ARFIP1: variants seen among roughly 807,000 people sequenced by gnomAD.
ARFIP1 encodes ARF interacting protein 1.
A neutral mutation model predicts 42.5 loss-of-function variants in ARFIP1; 24 were observed. The ratio of observed to expected loss-of-function variants is 0.57; its 90% CI spans 0.41 to 0.80. The LOEUF (loss-of-function observed/expected upper bound fraction) is 0.80, where lower values mean the gene tolerates loss of function less well. ARFIP1 is among the 30% of genes least tolerant of loss of function. The probability of loss-of-function intolerance (pLI) is 0.00; values close to 1 mark genes in which losing one functional copy is unlikely to be tolerated. For missense variants in ARFIP1, 354 were observed against 434.0 expected (o/e 0.82, Z 1.64); for synonymous variants, 141 against 153.7 (o/e 0.92, Z 0.61).
intron 1 of ARFIP1, among the ~76,000 whole-genome samples, chr4:152,814,408 A>G (rs987539742): frequency 1.1e-4 from 16 of 152,080 alleles, no homozygotes; most frequent in African/African-American, 3.9e-4. Flanking sequence ...TCTGTCTTTC[A>G]TCACTTTAAA....
chr4:152,855,144 T>C (rs1733319459), intron 2 of ARFIP1, among the ~76,000 whole-genome samples: 1 of 152,134 alleles, frequency 6.6e-6, no homozygotes, highest in Non-Finnish European at 1.5e-5. Flanking sequence ...TGCATGCAAC[T>C]AGGTGCCAGC....
At chr4:152,818,422 C>A (rs4586909) in intron 1 of ARFIP1, among the ~76,000 whole-genome samples, 1 of 151,356 alleles carries the variant, frequency 6.6e-6, no homozygotes, top group Non-Finnish European at 1.5e-5. Flanking sequence ...GGGAAGGAGC[C>A]CCATCAGGAT....
intron 1 of ARFIP1, chr4:152,796,237 ATTC>A: frequency 3.1e-6 from 3 of 955,084 alleles, no homozygotes; most frequent in Non-Finnish European, 5.0e-6. Context: ...GGAATGACGG[ATTC>A]TTCTTTACAC....
chr4:152,856,661 C>G (rs750358384), intron 2 of ARFIP1, among the ~76,000 whole-genome samples: 9 of 152,102 alleles, frequency 5.9e-5, no homozygotes, highest in Non-Finnish European at 1.2e-4. Flanking sequence ...TTCCAAAGGA[C>G]AATCCTGTGC....
chr4:152,911,216 C>T lies in ARFIP1; in HGVS notation c.*997C>T, dbSNP rs1429016928. 1 of 152,612 alleles carries T rather than the reference C, an allele frequency of 6.6e-6. No individual in the cohort carries two copies. The highest frequency in any genetic ancestry group is 2.4e-5 in the African/African-American group (1 of 41,444). The allele number at this position is 152,612 out of a possible 1,614,324, so 9.5% of individuals were successfully genotyped here. A position where few individuals can be genotyped will look rare whatever the true frequency, so the allele number is the denominator to read the frequency against. ...TTGGATAATGTTTGATGTGTCTATT[C>T]CTTCCATGGAATGGAGCACTATGTA... On this transcript the variant is annotated 3_prime_UTR_variant, in exon 9 of 9. Transcript: ENST00000353617.
At chr4:152,882,664 T>A in intron 6 of ARFIP1, 59 bp from the exon 7 acceptor site, 1 of 1,524,686 alleles carries the variant, frequency 6.6e-7, no homozygotes, top group Non-Finnish European at 9.0e-7. Flanking sequence ...TGCTTGAGAT[T>A]TTTAAGTCAC....
intron 1 of ARFIP1, among the ~76,000 whole-genome samples, chr4:152,789,928 C>G (rs1273071252): frequency 1.3e-5 from 2 of 152,154 alleles, no homozygotes; most frequent in African/African-American, 4.8e-5. Context: ...CTAGAATCAG[C>G]CTTTTCTCCA....
chr4:152,780,778 C>T (rs957031103), intron 1 of ARFIP1, among the ~76,000 whole-genome samples: 4 of 152,306 alleles, frequency 2.6e-5, no homozygotes, highest in African/African-American at 7.2e-5. Context: ...TCTTCTGCTC[C>T]GTTCCTGTTT....
intron 2 of ARFIP1, among the ~76,000 whole-genome samples, chr4:152,843,192 T>G (rs1732239563): frequency 6.6e-6 from 1 of 152,176 alleles, no homozygotes; most frequent in Non-Finnish European, 1.5e-5. Flanking sequence ...GTCTTTCTTC[T>G]GGGTCTAGCC....
intron 2 of ARFIP1, among the ~76,000 whole-genome samples, chr4:152,839,949 C>T (rs1386047856): frequency 2.0e-5 from 3 of 152,116 alleles, no homozygotes; most frequent in Admixed American, 6.5e-5. Context: ...CTTAGCACCA[C>T]CTTGCTGTTT....
intron 2 of ARFIP1, among the ~76,000 whole-genome samples, chr4:152,832,835 T>G (rs1309049618): frequency 6.6e-6 from 1 of 152,172 alleles, no homozygotes; most frequent in Non-Finnish European, 1.5e-5. Flanking sequence ...GACTCTTCTT[T>G]CTATACATAT....
chr4:152,821,699 T>G (rs1403300547), intron 1 of ARFIP1, among the ~76,000 whole-genome samples: 1 of 152,174 alleles, frequency 6.6e-6, no homozygotes, highest in East Asian at 1.9e-4. Context: ...CATCAGGCTA[T>G]CTAAAGTCTG....
intron 8 of ARFIP1, among the ~76,000 whole-genome samples, chr4:152,904,344 A>G (rs1738120071): frequency 6.6e-6 from 1 of 151,750 alleles, no homozygotes; most frequent in African/African-American, 2.4e-5. Flanking sequence ...GGTGCGTGCC[A>G]CCACGCCCGG....
At chr4:152,832,989 A>C (rs1270994375) in intron 2 of ARFIP1, among the ~76,000 whole-genome samples, 1 of 152,166 alleles carries the variant, frequency 6.6e-6, no homozygotes, top group African/African-American at 2.4e-5. Context: ...GGTCTTGGCA[A>C]TAATTTTTTG....
chr4:152,831,759 G>A (rs575747291), intron 2 of ARFIP1, among the ~76,000 whole-genome samples: 1 of 152,182 alleles, frequency 6.6e-6, no homozygotes, highest in East Asian at 1.9e-4. Context: ...GCTTATAGCA[G>A]TTTTTCTATC....
chr4:152,804,500 A>ATT lies in ARFIP1; in HGVS notation c.-10+24274_-10+24275insTT, dbSNP rs1554022307. On this transcript the variant is annotated intron_variant, in intron 1 of 8. Coordinates refer to ENST00000353617, the MANE Select transcript of ARFIP1 (RefSeq NM_001025595.3). ...TAATATATATTATTTATATATATAT[A>ATT]ATATATATATATATATAGTTGGGAG... 4.3e-4 allele frequency among the ~76,000 whole-genome samples: 52 copies of ATT among 121,484 alleles called. 4 individuals carry two copies. Among genetic ancestry groups the ATT allele is most frequent in the Admixed American group, 1.0e-3 (10 of 9,798 alleles). 79.7% of individuals were successfully genotyped at this position (121,484 alleles called of 152,430 possible).
intron 8 of ARFIP1, among the ~76,000 whole-genome samples, chr4:152,897,444 A>G (rs1222438935): frequency 6.6e-6 from 1 of 151,990 alleles, no homozygotes; most frequent in African/African-American, 2.4e-5. Flanking sequence ...TACTGTTCTT[A>G]TAGACTTGGT....
intron 1 of ARFIP1, 111 bp from the exon 2 acceptor site, chr4:152,829,514 G>T: frequency 1.7e-6 from 1 of 603,130 alleles, no homozygotes. Flanking sequence ...GTATTTGGTA[G>T]GTTGCAATGA....
intron 1 of ARFIP1, among the ~76,000 whole-genome samples, chr4:152,816,650 G>A (rs1729911150): frequency 6.6e-6 from 1 of 152,210 alleles, no homozygotes; most frequent in Non-Finnish European, 1.5e-5. Flanking sequence ...TAGAATGTAA[G>A]CTCTATGAGA....
Sources: allele counts gnomAD v4.1 joint callset (sites outside exome capture counted in the v4.1 genomes callset), GRCh38; gene constraint gnomAD v4.1.1; transcripts MANE v1.5; gene names NCBI Gene and HGNC (gene_info 2026-07-23, HGNC 2026-07-21).